The following CFAP418 variants were observed in gnomAD, a reference collection of about 807,000 sequenced individuals.
The protein encoded by CFAP418 is cilia- and flagella-associated protein 418.
A neutral mutation model predicts 24.7 loss-of-function variants in CFAP418; 27 were observed. That is an observed-to-expected ratio of 1.09 (90% CI 0.81 to 1.51). The LOEUF is 1.51. Among genes scored for constraint, CFAP418 ranks in the 40% most tolerant of loss-of-function variants. The pLI is 0.00. For synonymous variants in CFAP418, 74 were observed against 87.3 expected (o/e 0.85, Z 0.85); for missense variants, 257 against 255.2 (o/e 1.01, Z -0.05).
intron 4 of CFAP418, among the ~76,000 whole-genome samples, chr8:95,255,312 C>T (rs1483705985): frequency 6.6e-6 from 1 of 152,110 alleles, no homozygotes; most frequent in Non-Finnish European, 1.5e-5. Flanking sequence ...TGGCCAGATA[C>T]TCTCTGTTCC....
intron 4 of CFAP418, among the ~76,000 whole-genome samples, chr8:95,256,052 A>G (rs573779897): frequency 1.5e-4 from 23 of 152,342 alleles, no homozygotes; most frequent in African/African-American, 5.3e-4. Flanking sequence ...TTGGACTAAT[A>G]GTATGTGATA....
chr8:95,259,553 G>A (rs1275336329), intron 4 of CFAP418, among the ~76,000 whole-genome samples: 1 of 152,146 alleles, frequency 6.6e-6, no homozygotes, highest in Non-Finnish European at 1.5e-5. Flanking sequence ...CTGCCTGGAA[G>A]GAAGTTCACT....
intron 2 of CFAP418, among the ~76,000 whole-genome samples, chr8:95,262,820 C>T (rs2132163606): frequency 6.6e-6 from 1 of 152,210 alleles, no homozygotes; most frequent in South Asian, 2.1e-4. Context: ...CTGGTTTTCC[C>T]TGTGTACATG....
At chr8:95,261,536 T>C (rs1027069457) in intron 2 of CFAP418, among the ~76,000 whole-genome samples, 1 of 152,122 alleles carries the variant, frequency 6.6e-6, no homozygotes, top group East Asian at 1.9e-4. Context: ...GGGAGTAGTA[T>C]TGTCAGGGCA....
chr8:95,261,892 A>C (rs1011896110), intron 2 of CFAP418, among the ~76,000 whole-genome samples: 14 of 152,350 alleles, frequency 9.2e-5, no homozygotes, highest in African/African-American at 3.4e-4. Context: ...TCAGATGATT[A>C]ATGAAGAGCA....
chr8:95,256,805 T>A (rs1241593141), intron 4 of CFAP418, among the ~76,000 whole-genome samples: 1 of 152,152 alleles, frequency 6.6e-6, no homozygotes, highest in Non-Finnish European at 1.5e-5. Flanking sequence ...GGAGTGTTGT[T>A]CCAGATAGGG....
intron 4 of CFAP418, among the ~76,000 whole-genome samples, chr8:95,259,037 T>C (rs900956044): frequency 1.3e-5 from 2 of 152,236 alleles, no homozygotes; most frequent in Non-Finnish European, 2.9e-5. Flanking sequence ...CACTTGACTA[T>C]ACAACAGTTA....
At position 95,250,471 on chromosome 8, in the gene CFAP418, G is replaced by C. The variant is rs182013471; in HGVS notation, c.470+1717C>G. ...CTAGGTTATCCATAGTTTACTTTAT[G>C]CCTGTGTTCACCACTGCCTTGATGT... is the stretch of plus-strand genomic sequence containing the variant. On this transcript the variant is annotated intron_variant, in intron 5 of 5. Transcript: ENST00000286688. 9.7e-4 allele frequency among the ~76,000 whole-genome samples: 147 copies of C among 152,252 alleles called. 1 individual carries two copies. The highest frequency in any genetic ancestry group is 3.2e-3 in the African/African-American group (132 of 41,546).
intron 5 of CFAP418, among the ~76,000 whole-genome samples, chr8:95,251,713 G>A (rs1403616589): frequency 6.6e-6 from 1 of 152,196 alleles, no homozygotes; most frequent in Non-Finnish European, 1.5e-5. Context: ...GGCAGATGGA[G>A]AGAAGGAGAT....
At chr8:95,267,894 G>A (rs1031619217) in intron 1 of CFAP418, among the ~76,000 whole-genome samples, 1 of 151,442 alleles carries the variant, frequency 6.6e-6, no homozygotes, top group African/African-American at 2.4e-5. Flanking sequence ...TTTTTGAGGG[G>A]TTGTGGGGGA....
chr8:95,252,380 C>T, intron 4 of CFAP418, 97 bp from the exon 5 acceptor site: 1 of 709,882 alleles, frequency 1.4e-6, no homozygotes, highest in South Asian at 1.9e-5. Flanking sequence ...CCACATATTA[C>T]AGATTACTGA....
At chr8:95,267,523 G>T (rs62524390) in intron 1 of CFAP418, among the ~76,000 whole-genome samples, 4,484 of 152,262 alleles carry the variant, frequency 0.029, 99 homozygotes, top group South Asian at 0.091. Context: ...ATGGGAGGCG[G>T]AGCTTGCAGT....
intron 2 of CFAP418, among the ~76,000 whole-genome samples, chr8:95,261,309 T>G (rs1170179318): frequency 1.3e-5 from 2 of 152,198 alleles, no homozygotes; most frequent in East Asian, 3.8e-4. Flanking sequence ...TTATTTGATG[T>G]TAAGCAGAAA....
At chr8:95,259,765 A>T in intron 4 of CFAP418, 75 bp downstream of exon 4, 1 of 1,024,946 alleles carries the variant, frequency 9.8e-7, no homozygotes, top group Non-Finnish European at 1.5e-6. Flanking sequence ...TGAAGATGAT[A>T]ACTACATTTT....
chr8:95,249,176 G>C (rs1266715160), intron 5 of CFAP418, among the ~76,000 whole-genome samples: 1 of 152,190 alleles, frequency 6.6e-6, no homozygotes, highest in Non-Finnish European at 1.5e-5. Context: ...GCGATTTTAG[G>C]ATTAGGAATC....
Position 95,246,126 on chromosome 8 carries a change from T to C in CFAP418, c.*1491A>G, listed in dbSNP as rs995215831. On this transcript the variant is annotated 3_prime_UTR_variant, in exon 6 of 6. Transcript: ENST00000286688. ...GCCTCGGCCTCCCGAGTAGTTGGGA[T>C]TACAGGCATGCACCACCGCGCCCAG... 6.6e-6 allele frequency: 1 copy of C among 152,174 alleles called. No homozygotes were observed. The highest frequency in any genetic ancestry group is 2.4e-5 in the African/African-American group (1 of 41,436). 9.4% of individuals were successfully genotyped at this position (152,174 alleles called of 1,614,324 possible).
intron 3 of CFAP418, 124 bp from the exon 4 acceptor site, chr8:95,260,029 T>C (rs1811860586): frequency 1.5e-6 from 1 of 676,576 alleles, no homozygotes; most frequent in African/African-American, 1.9e-5. Flanking sequence ...AATTGTCTAT[T>C]TTCCCTAGCA....
chr8:95,261,820 G>A (rs1287705084), intron 2 of CFAP418, among the ~76,000 whole-genome samples: 1 of 152,102 alleles, frequency 6.6e-6, no homozygotes, highest in Non-Finnish European at 1.5e-5. Context: ...CACCTTAACT[G>A]AAAAGATAGC....
chr8:95,247,487 G>C lies in CFAP418; in HGVS notation c.*130C>G, dbSNP rs989740836. On this transcript the variant is annotated 3_prime_UTR_variant, in exon 6 of 6. Coordinates refer to ENST00000286688, the MANE Select transcript of CFAP418 (RefSeq NM_177965.4). ...CATTTGGTCTTCAAAAATGTATGTA[G>C]TTGTATCAATAAAATTCACTGCCTT... The C allele has an allele frequency of 1.3e-5, 13 of 1,009,662 alleles. No individual in the cohort carries two copies. The African/African-American group carries it at 1.9e-4, about 15-fold the overall frequency. The allele number at this position is 1,009,662 out of a possible 1,614,324, so 62.5% of individuals were successfully genotyped here.
Sources: gnomAD v4.1 joint callset for allele counts (sites outside exome capture counted in the v4.1 genomes callset) on GRCh38, gnomAD v4.1.1 for gene constraint, MANE v1.5 for transcripts, NCBI Gene and HGNC (gene_info 2026-07-23, HGNC 2026-07-21) for gene names.